The following MAMDC2 variants were observed in gnomAD, a reference collection of about 807,000 sequenced individuals.
MAMDC2 encodes MAM domain-containing protein 2.
In MAMDC2, 57 loss-of-function variants were observed where a neutral mutation model predicts 89.8. The ratio of observed to expected loss-of-function variants is 0.63; its 90% confidence interval spans 0.51 to 0.79. MAMDC2 has a LOEUF of 0.79. Among genes scored for constraint, MAMDC2 ranks in the 30% least tolerant of loss-of-function variants. MAMDC2 has a pLI of 0.00. For synonymous variants in MAMDC2, 313 were observed against 293.4 expected, an observed-to-expected ratio of 1.07 and a Z score of -0.68; for missense variants, 800 against 820.6, an observed-to-expected ratio of 0.97 and a Z score of 0.31.
intron 2 of MAMDC2, among the ~76,000 whole-genome samples, chr9:70,056,432 T>C (rs1827026359): frequency 6.6e-6 from 1 of 152,220 alleles, no homozygotes. Flanking sequence ...ATCTTTTTTC[T>C]TTTTCATAAA....
At chr9:70,058,520 C>T (rs1310587037) in intron 2 of MAMDC2, among the ~76,000 whole-genome samples, 2 of 151,688 alleles carry the variant, frequency 1.3e-5, no homozygotes, top group Admixed American at 1.3e-4. Context: ...ATTAGTTTAA[C>T]CCTCCCAAGG....
chr9:70,225,450 G>C (rs1302605536), intron 12 of MAMDC2, among the ~76,000 whole-genome samples: 1 of 152,074 alleles, frequency 6.6e-6, no homozygotes, highest in Non-Finnish European at 1.5e-5. Context: ...ATTGGGAAGA[G>C]GAAACCAGGT....
chr9:70,199,160 A>C (rs2033042431), intron 11 of MAMDC2, among the ~76,000 whole-genome samples: 2 of 143,510 alleles, frequency 1.4e-5, no homozygotes, highest in Non-Finnish European at 3.0e-5. Flanking sequence ...GCACCCACTA[A>C]CTCGTCATCT....
intron 2 of MAMDC2, among the ~76,000 whole-genome samples, chr9:70,075,196 A>G (rs1827504724): frequency 6.6e-6 from 1 of 152,334 alleles, no homozygotes; most frequent in South Asian, 2.1e-4. Context: ...ACATCTAGCA[A>G]GCAATGAAGC....
At chr9:70,126,449 G>T (rs766131431) in intron 6 of MAMDC2, 34 bp downstream of exon 6, 2 of 1,590,894 alleles carry the variant, frequency 1.3e-6, no homozygotes, top group Non-Finnish European at 8.6e-7. Context: ...CTGTTCACTG[G>T]CACTCTTTAG....
chr9:70,183,878 TA>T, intron 11 of MAMDC2, among the ~76,000 whole-genome samples: 1 of 152,190 alleles, frequency 6.6e-6, no homozygotes, highest in Non-Finnish European at 1.5e-5. Context: ...ATTCTGTCAT[TA>T]TGTGAATTTG....
chr9:70,214,538 G>GCTAA (rs1160932177), intron 11 of MAMDC2, among the ~76,000 whole-genome samples: 1 of 152,234 alleles, frequency 6.6e-6, no homozygotes, highest in African/African-American at 2.4e-5. Context: ...ACTCTGAAAT[G>GCTAA]CTAACCCAGT....
At chr9:70,179,196 T>C (rs1257705740) in intron 11 of MAMDC2, among the ~76,000 whole-genome samples, 1 of 152,092 alleles carries the variant, frequency 6.6e-6, no homozygotes, top group Non-Finnish European at 1.5e-5. Flanking sequence ...TGGAGATCTA[T>C]CTCTAGCTAA....
At chr9:70,169,642 T>A (rs1158918402) in intron 10 of MAMDC2, 2 of 152,196 alleles carry the variant, frequency 1.3e-5, no homozygotes, top group East Asian at 3.9e-4. Flanking sequence ...AAAAGAGACA[T>A]ATGAAACAAG....
At position 70,117,625 on chromosome 9, in the gene MAMDC2, TA is replaced by T. The variant is rs542344694; in HGVS notation, c.643+4504del. Among the ~76,000 whole-genome samples the T allele has an allele frequency of 1.0e-3, 150 of 146,026 alleles. 1 individual carries two copies. Among genetic ancestry groups the T allele is most frequent in the Admixed American group, 2.5e-3 (36 of 14,590 alleles). ...GTATAATTTTAAAAAAATGATGCTT[TA>T]AAAAAAAAAACAGTCATTAACCTCA... On this transcript the variant is annotated intron_variant, in intron 5 of 13. Transcript: ENST00000377182.
chr9:70,127,230 G>A (rs1171918934), intron 6 of MAMDC2, among the ~76,000 whole-genome samples: 2 of 152,144 alleles, frequency 1.3e-5, no homozygotes, highest in African/African-American at 4.8e-5. Context: ...AGAAAACAGA[G>A]TGTCCAAGAA....
At chr9:70,073,187 G>A (rs768272220) in intron 2 of MAMDC2, among the ~76,000 whole-genome samples, 66 of 152,198 alleles carry the variant, frequency 4.3e-4, no homozygotes, top group Non-Finnish European at 6.8e-4. Flanking sequence ...TGACAAATAG[G>A]CAGTGCAAGT....
At position 70,044,701 on chromosome 9, in the gene MAMDC2, A is replaced by C. The variant is rs761372896; in HGVS notation, c.148+4A>C. On this transcript the variant is annotated splice_donor_region_variant and intron_variant, in intron 2 of 13. Transcript: ENST00000377182. ...CCGTGGATTTTAAATGAGGAAGGTA[A>C]GGAGGCTCGGTGGAGAGGGGCGCGA... 1 of 1,549,178 alleles carries C rather than the reference A, an allele frequency of 6.5e-7. No individual in the cohort carries two copies. The highest frequency in any genetic ancestry group is 1.2e-5 in the South Asian group (1 of 84,006).
intron 9 of MAMDC2, among the ~76,000 whole-genome samples, chr9:70,163,311 C>A (rs1181196035): frequency 6.7e-6 from 1 of 149,610 alleles, no homozygotes; most frequent in Non-Finnish European, 1.5e-5. Context: ...TCACTGCAAC[C>A]TTTGCCTCCT....
At chr9:70,144,275 T>A (rs1356311953) in intron 9 of MAMDC2, among the ~76,000 whole-genome samples, 1 of 152,198 alleles carries the variant, frequency 6.6e-6, no homozygotes, top group Non-Finnish European at 1.5e-5. Flanking sequence ...AACCTAAGGC[T>A]CTAGCTGAAC....
rs2033397289 is a variant in MAMDC2 at position 70,213,660 on chromosome 9, A to G, written c.1652-4677A>G. The stretch of plus-strand genomic sequence containing the variant: ...TGTTAAAGAAAATATGTACAAAAGA[A>G]AAAGTTTCCTTTCATCATTGAATGT... On this transcript the variant is annotated intron_variant, in intron 11 of 13. Coordinates refer to ENST00000377182, the MANE Select transcript of MAMDC2 (RefSeq NM_153267.5). 2.0e-5 allele frequency among the ~76,000 whole-genome samples: 3 copies of G among 152,220 alleles called. No homozygotes were observed. In the South Asian group the frequency reaches 6.2e-4, roughly 32 times the overall value.
chr9:70,127,641 G>T (rs888353179), intron 6 of MAMDC2, among the ~76,000 whole-genome samples: 1 of 151,276 alleles, frequency 6.6e-6, no homozygotes, highest in Non-Finnish European at 1.5e-5. Context: ...CTGATGGCGT[G>T]CCTGCCTCTC....
intron 4 of MAMDC2, 45 bp from the exon 5 acceptor site, chr9:70,112,950 G>A (rs545342342): frequency 1.9e-6 from 3 of 1,612,242 alleles, no homozygotes; most frequent in Non-Finnish European, 2.5e-6. Context: ...CGTGTACCCA[G>A]GTGTGACTGT....
chr9:70,189,087 GAAGAT>G (rs1286854788), intron 11 of MAMDC2, among the ~76,000 whole-genome samples: 3 of 151,998 alleles, frequency 2.0e-5, no homozygotes, highest in East Asian at 1.9e-4. Flanking sequence ...TTTTAAATCA[GAAGAT>G]AAGAGAAATA....
Sources: gnomAD v4.1 joint callset for allele counts (sites outside exome capture counted in the v4.1 genomes callset) on GRCh38, gnomAD v4.1.1 for gene constraint, MANE v1.5 for transcripts, NCBI Gene and HGNC (gene_info 2026-07-23, HGNC 2026-07-21) for gene names.